BMERB1: variants seen among roughly 807,000 people sequenced by gnomAD.
The protein encoded by BMERB1 is bMERB domain containing 1, also known as bMERB domain-containing protein 1.
A neutral mutation model predicts 23.6 loss-of-function variants in BMERB1; 12 were observed. The observed-to-expected ratio is 0.51, with a 90% CI of 0.33 to 0.82. BMERB1 has a LOEUF of 0.82. BMERB1 is among the 40% of genes least tolerant of loss of function. BMERB1 has a pLI of 0.03. For missense variants in BMERB1, 247 were observed against 255.4 expected (o/e 0.97, Z 0.22); for synonymous variants, 122 against 96.6 (o/e 1.26, Z -1.54).
intron 1 of BMERB1, among the ~76,000 whole-genome samples, chr16:15,515,076 C>T (rs1254301016): frequency 6.6e-6 from 1 of 152,144 alleles, no homozygotes; most frequent in Non-Finnish European, 1.5e-5. Flanking sequence ...AGCCAGACTC[C>T]GTCTAAAAAC....
intron 2 of BMERB1, among the ~76,000 whole-genome samples, chr16:15,566,444 A>G (rs1210877075): frequency 1.3e-5 from 2 of 152,232 alleles, no homozygotes; most frequent in African/African-American, 4.8e-5. Flanking sequence ...GTATTAGGAA[A>G]CAACCCAGAT....
intron 1 of BMERB1, among the ~76,000 whole-genome samples, chr16:15,451,604 G>A (rs1039986362): frequency 1.6e-4 from 23 of 144,966 alleles, no homozygotes; most frequent in African/African-American, 5.7e-4. Flanking sequence ...TGTTACCGAG[G>A]CCAGAGTGCA....
rs186174943 is a variant in BMERB1 at position 15,561,146 on chromosome 16, A to G, written c.231-6837A>G. 3.5e-3 allele frequency among the ~76,000 whole-genome samples: 524 copies of G among 150,676 alleles called. 1 individual carries two copies. The highest frequency in any genetic ancestry group is 0.012 in the African/African-American group (490 of 41,004). ...GCTAATTTTTGTATTTTTAGTAGAG[A>G]CAGGATTTCACCAAGTTGGCCAGGA... On this transcript the variant is annotated intron_variant, in intron 2 of 5. Coordinates refer to ENST00000300006, the MANE Select transcript of BMERB1 (RefSeq NM_033201.3).
chr16:15,507,340 C>T lies in BMERB1; in HGVS notation c.107-7965C>T, dbSNP rs149801842. 2.8e-4 allele frequency among the ~76,000 whole-genome samples: 42 copies of T among 152,250 alleles called. No individual in the cohort carries two copies. The East Asian group carries it at 6.8e-3, about 24-fold the overall frequency. On this transcript the variant is annotated intron_variant, in intron 1 of 5. Coordinates refer to ENST00000300006, the MANE Select transcript of BMERB1 (RefSeq NM_033201.3). Reference sequence around the variant, plus strand: ...CCTGCTGGTGCATACCAGGGCTGCCCGGGTGCTCAGCTCTTGTTTGCTGGT... The same window carrying T: ...CCTGCTGGTGCATACCAGGGCTGCCTGGGTGCTCAGCTCTTGTTTGCTGGT...
intron 2 of BMERB1, among the ~76,000 whole-genome samples, chr16:15,544,135 A>G (rs922019553): frequency 3.9e-5 from 6 of 152,244 alleles, no homozygotes; most frequent in Non-Finnish European, 7.3e-5. Flanking sequence ...TTGCCCTTAT[A>G]GCATGTTAAC....
At chr16:15,516,141 A>G (rs920156667) in intron 2 of BMERB1, among the ~76,000 whole-genome samples, 3 of 152,120 alleles carry the variant, frequency 2.0e-5, no homozygotes, top group Non-Finnish European at 4.4e-5. Context: ...GCACAAATTA[A>G]GGCCAGGTGC....
chr16:15,450,595 C>A (rs1176776782), intron 1 of BMERB1, among the ~76,000 whole-genome samples: 1 of 152,054 alleles, frequency 6.6e-6, no homozygotes, highest in Non-Finnish European at 1.5e-5. Context: ...CTCAGCCTCC[C>A]GAGTAGCCGG....
chr16:15,435,606 G>A (rs931433792), intron 1 of BMERB1, among the ~76,000 whole-genome samples: 1 of 152,192 alleles, frequency 6.6e-6, no homozygotes, highest in Non-Finnish European at 1.5e-5. Context: ...ACCAGGCTGG[G>A]AAGGAGAGGT....
At chr16:15,441,341 C>T (rs1225318160) in intron 1 of BMERB1, among the ~76,000 whole-genome samples, 3 of 151,468 alleles carry the variant, frequency 2.0e-5, no homozygotes, top group Non-Finnish European at 4.4e-5. Context: ...GCCTCAGCCT[C>T]CTGAGTAGCT....
intron 1 of BMERB1, among the ~76,000 whole-genome samples, chr16:15,495,027 G>A (rs2051460214): frequency 6.6e-6 from 1 of 151,170 alleles, no homozygotes. Flanking sequence ...GGGATTACAG[G>A]CATGCGCCAC....
intron 2 of BMERB1, among the ~76,000 whole-genome samples, chr16:15,555,309 A>G (rs1448528366): frequency 2.6e-5 from 4 of 152,124 alleles, no homozygotes; most frequent in East Asian, 1.9e-4. Flanking sequence ...CCTGGACTCT[A>G]TCGATCCTCC....
At chr16:15,535,787 G>C (rs997019906) in intron 2 of BMERB1, among the ~76,000 whole-genome samples, 1 of 151,856 alleles carries the variant, frequency 6.6e-6, no homozygotes, top group Non-Finnish European at 1.5e-5. Context: ...TTATAAAATA[G>C]AGAGGTTTAA....
rs188063997 is a variant in BMERB1 at position 15,476,661 on chromosome 16, A to T, written c.107-38644A>T. ...GCCAACACCAGGGTGAGAAGGAAAG[A>T]AGAGTCATGGTGAGTAGCCTCACCT... On this transcript the variant is annotated intron_variant, in intron 1 of 5. Transcript: ENST00000300006. Among the ~76,000 whole-genome samples the T allele has an allele frequency of 2.0e-5, 3 of 152,326 alleles. No individual in the cohort carries two copies. In the East Asian group the frequency reaches 5.8e-4, roughly 29 times the overall value.
intron 1 of BMERB1, among the ~76,000 whole-genome samples, chr16:15,498,170 G>C (rs758549902): frequency 4.3e-4 from 66 of 152,052 alleles, no homozygotes; most frequent in Non-Finnish European, 1.6e-4. Flanking sequence ...GAGAAGCCCA[G>C]GTAGATGGAT....
At chr16:15,494,435 G>A (rs1331418745) in intron 1 of BMERB1, among the ~76,000 whole-genome samples, 3 of 152,028 alleles carry the variant, frequency 2.0e-5, no homozygotes, top group African/African-American at 4.8e-5. Flanking sequence ...ACTGAGTAAT[G>A]TAAAATGACA....
intron 3 of BMERB1, among the ~76,000 whole-genome samples, chr16:15,578,927 C>G (rs1005803514): frequency 8.5e-5 from 13 of 152,310 alleles, no homozygotes; most frequent in African/African-American, 3.1e-4. Context: ...ACGTGAGCAG[C>G]ATTGGCCAAT....
chr16:15,443,462 C>T (rs2050958872), intron 1 of BMERB1, among the ~76,000 whole-genome samples: 1 of 151,286 alleles, frequency 6.6e-6, no homozygotes, highest in African/African-American at 2.4e-5. Context: ...TCGCTTGAGC[C>T]TGGGGGGCCC....
chr16:15,584,219 C>T, intron 5 of BMERB1: 1 of 580,618 alleles, frequency 1.7e-6, no homozygotes. Flanking sequence ...CAGCGTTTCT[C>T]AAATGTGTTT....
chr16:15,491,588 C>T (rs141049658), intron 1 of BMERB1, among the ~76,000 whole-genome samples: 38 of 152,288 alleles, frequency 2.5e-4, no homozygotes, highest in Non-Finnish European at 4.3e-4. Context: ...GGGGCCACTT[C>T]CTGTCTCTCC....
Sources: gnomAD v4.1 joint callset for allele counts (sites outside exome capture counted in the v4.1 genomes callset) on GRCh38, gnomAD v4.1.1 for gene constraint, MANE v1.5 for transcripts, NCBI Gene and HGNC (gene_info 2026-07-23, HGNC 2026-07-21) for gene names.